The following PLXDC2 variants were observed in gnomAD, a reference collection of about 807,000 sequenced individuals.
The protein encoded by PLXDC2 is plexin domain containing 2, also known as plexin domain-containing protein 2.
A neutral mutation model predicts 68.9 loss-of-function variants in PLXDC2; 40 were observed. The ratio of observed to expected loss-of-function variants is 0.58; its 90% confidence interval spans 0.45 to 0.76. The LOEUF (loss-of-function observed/expected upper bound fraction) is 0.76. Among genes scored for constraint, PLXDC2 ranks in the 30% least tolerant of loss-of-function variants. The probability of loss-of-function intolerance (pLI) is 0.00; values close to 1 mark genes in which losing one functional copy is unlikely to be tolerated. For missense variants in PLXDC2, 644 were observed against 661.9 expected, an observed-to-expected ratio of 0.97 and a Z score of 0.30; for synonymous variants, 243 against 234.2, an observed-to-expected ratio of 1.04 and a Z score of -0.34.
At position 20,261,595 on chromosome 10, in the gene PLXDC2, T is replaced by C. The variant is rs139662196; in HGVS notation, c.1473+16090T>C. 4.7e-3 allele frequency among the ~76,000 whole-genome samples: 709 copies of C among 152,244 alleles called. 9 individuals carry two copies. The highest frequency in any genetic ancestry group is 0.014 in the African/African-American group (580 of 41,562). ...ATCTGCCGGGGGTAGTGGCTCATGCTTGTAATCCCTGCAGTTTGGGAGGCT... is the reference window on the plus strand; with the variant it reads ...ATCTGCCGGGGGTAGTGGCTCATGCCTGTAATCCCTGCAGTTTGGGAGGCT... On this transcript the variant is annotated intron_variant, in intron 13 of 13. Transcript: ENST00000377252.
chr10:20,229,417 A>T (rs571154446), intron 12 of PLXDC2, among the ~76,000 whole-genome samples: 1 of 150,486 alleles, frequency 6.6e-6, no homozygotes, highest in African/African-American at 2.4e-5. Context: ...TAAACTTGGT[A>T]GCATTCCTTG....
intron 2 of PLXDC2, among the ~76,000 whole-genome samples, chr10:20,019,669 C>T (rs1379980819): frequency 6.6e-6 from 1 of 152,158 alleles, no homozygotes; most frequent in Non-Finnish European, 1.5e-5. Context: ...TGTGAGGACA[C>T]AGTGGGAAAG....
chr10:20,129,514 T>C (rs1000267702), intron 4 of PLXDC2, among the ~76,000 whole-genome samples: 2 of 124,098 alleles, frequency 1.6e-5, no homozygotes, highest in African/African-American at 3.6e-5. Context: ...GGTCATCCCA[T>C]ATATACATAC....
chr10:19,927,856 T>C (rs1012375806), intron 1 of PLXDC2, among the ~76,000 whole-genome samples: 7 of 152,120 alleles, frequency 4.6e-5, no homozygotes, highest in African/African-American at 1.7e-4. Flanking sequence ...TGGTTTTTGG[T>C]TTCACAGATT....
intron 4 of PLXDC2, among the ~76,000 whole-genome samples, chr10:20,073,961 ATGAGATGGGAGCATG>A (rs1462229097): frequency 6.6e-6 from 1 of 152,140 alleles, no homozygotes; most frequent in Non-Finnish European, 1.5e-5. Flanking sequence ...CATTACAGTG[ATGAGATGGGAGCATG>A]TGAGATGGGT....
intron 1 of PLXDC2, among the ~76,000 whole-genome samples, chr10:20,000,953 A>G (rs1834925999): frequency 6.6e-6 from 1 of 152,194 alleles, no homozygotes; most frequent in South Asian, 2.1e-4. Context: ...ACCTACTGAA[A>G]TGAGAGACGA....
At chr10:20,075,516 A>G (rs16919795) in intron 4 of PLXDC2, among the ~76,000 whole-genome samples, 4,494 of 152,154 alleles carry the variant, frequency 0.03, 221 homozygotes, top group African/African-American at 0.1. Context: ...CACGAATTTC[A>G]TATTCACAAC....
chr10:19,944,713 G>A (rs1393663526), intron 1 of PLXDC2, among the ~76,000 whole-genome samples: 1 of 152,204 alleles, frequency 6.6e-6, no homozygotes, highest in Non-Finnish European at 1.5e-5. Context: ...CACTTTGGGA[G>A]GCCAAGGAGG....
At chr10:20,116,981 A>G (rs982344980) in intron 4 of PLXDC2, among the ~76,000 whole-genome samples, 3 of 152,112 alleles carry the variant, frequency 2.0e-5, no homozygotes, top group African/African-American at 7.2e-5. Flanking sequence ...AAAATATTTA[A>G]AGACTGGAAG....
rs1836173156 is a variant in PLXDC2, at chr10:20,287,594, A to G, written c.*7775A>G. On this transcript the variant is annotated 3_prime_UTR_variant, in exon 14 of 14. Coordinates refer to ENST00000377252, the MANE Select transcript of PLXDC2 (RefSeq NM_032812.9). ...CAAATTAGGCATCCTGCAGCAGGCTACTCTGAAAATAACATTAGGCAACAT... is the reference window on the plus strand; with the variant it reads ...CAAATTAGGCATCCTGCAGCAGGCTGCTCTGAAAATAACATTAGGCAACAT... The G allele has an allele frequency of 2.6e-5, 4 of 152,152 alleles. No homozygotes were observed. Among genetic ancestry groups the G allele is most frequent in the Admixed American group, 2.6e-4 (4 of 15,280 alleles). 9.4% of individuals were successfully genotyped at this position (152,152 alleles called of 1,614,324 possible). A position where few individuals can be genotyped will look rare whatever the true frequency, so the allele number is the denominator to read the frequency against.
intron 1 of PLXDC2, among the ~76,000 whole-genome samples, chr10:19,914,340 C>T (rs10827901): frequency 0.55 from 83,500 of 151,898 alleles, 24,573 homozygotes; most frequent in South Asian, 0.79. Flanking sequence ...CATTGGGATT[C>T]CACTTCATTA....
chr10:20,025,315 G>A (rs997428736), intron 2 of PLXDC2, among the ~76,000 whole-genome samples: 2 of 150,966 alleles, frequency 1.3e-5, no homozygotes, highest in African/African-American at 4.9e-5. Context: ...CCAGGCTAGA[G>A]TGCAGTGGTG....
chr10:19,848,766 G>A (rs1837060905), intron 1 of PLXDC2, among the ~76,000 whole-genome samples: 1 of 151,912 alleles, frequency 6.6e-6, no homozygotes, highest in South Asian at 2.1e-4. Context: ...GTTCTTTTTG[G>A]CTGCACTTGA....
chr10:19,892,854 C>T (rs559168968), intron 1 of PLXDC2, among the ~76,000 whole-genome samples: 36 of 151,504 alleles, frequency 2.4e-4, no homozygotes, highest in Middle Eastern at 6.9e-3. Context: ...GTATACAGTA[C>T]GAGCTAAGAC....
rs183881286 is a variant in PLXDC2 at position 20,085,526 on chromosome 10, C to T, written c.541+17287C>T. Among the ~76,000 whole-genome samples, 56 of 152,284 alleles carry T rather than the reference C, an allele frequency of 3.7e-4. 2 individuals carry two copies. The highest frequency in any genetic ancestry group is 3.5e-3 in the Admixed American group (53 of 15,288). ...CACATTTTTGTTGCTAAGATTGTTT[C>T]ATTTTAGTAAAAATAGCAACATTTT... On this transcript the variant is annotated intron_variant, in intron 4 of 13. Coordinates refer to ENST00000377252, the MANE Select transcript of PLXDC2 (RefSeq NM_032812.9).
intron 1 of PLXDC2, among the ~76,000 whole-genome samples, chr10:19,818,227 G>GGTGTGTGTGTGTGTGTGT (rs749435110): frequency 1.5e-4 from 21 of 137,606 alleles, no homozygotes; most frequent in East Asian, 1.3e-3. Flanking sequence ...GTTCTTTTCT[G>GGTGTGTGTGTGTGTGTGT]GTGTGTGTGT....
intron 9 of PLXDC2, among the ~76,000 whole-genome samples, chr10:20,206,425 G>C (rs990120303): frequency 3.9e-5 from 6 of 152,124 alleles, no homozygotes; most frequent in Admixed American, 6.6e-5. Context: ...ATTTCTTGGA[G>C]GAGATTGGGG....
intron 1 of PLXDC2, among the ~76,000 whole-genome samples, chr10:19,972,739 G>A (rs1834376629): frequency 6.6e-6 from 1 of 152,146 alleles, no homozygotes; most frequent in Non-Finnish European, 1.5e-5. Flanking sequence ...GTTAAAATAG[G>A]GAAGAGTTAT....
At chr10:20,218,985 G>A in intron 11 of PLXDC2, 79 bp from the exon 12 acceptor site, 1 of 1,492,566 alleles carries the variant, frequency 6.7e-7, no homozygotes, top group Non-Finnish European at 9.2e-7. Flanking sequence ...GCAGTTAGTA[G>A]ACAATTACTA....
Sources: gnomAD v4.1 joint callset for allele counts (sites outside exome capture counted in the v4.1 genomes callset) on GRCh38, gnomAD v4.1.1 for gene constraint, MANE v1.5 for transcripts, NCBI Gene and HGNC (gene_info 2026-07-23, HGNC 2026-07-21) for gene names.